Variants in USP31 observed in about 807,000 individuals in gnomAD.
USP31 encodes ubiquitin specific peptidase 31, also known as ubiquitin carboxyl-terminal hydrolase 31.
USP31 carries 44 observed loss-of-function variants against 119.4 expected under a neutral mutation model. That is an observed-to-expected ratio of 0.37 (90% CI 0.29 to 0.47). USP31 has a LOEUF of 0.47. Among genes scored for constraint, USP31 ranks in the 20% least tolerant of loss-of-function variants. USP31 has a pLI of 0.99. For synonymous variants in USP31, 749 were observed against 705.6 expected (o/e 1.06, Z -0.97); for missense variants, 1,643 against 1,730.2 (o/e 0.95, Z 0.89).
rs749740817 is a variant in USP31 at position 23,106,236 on chromosome 16, C to A, written c.930G>T (p.Leu310Phe). Residue 310 changes from leucine (L) to phenylalanine (F), a missense_variant, in exon 4 of 16, where the codon TTG becomes TTT. By Grantham distance (22) the Leu-to-Phe change is conservative. This residue lies in a region of USP31 where 144 missense variants were observed against 218.0 expected (regional missense o/e 0.66). Transcript: ENST00000219689. ...NTFDPFLCIS[L>F]PIPLPHTRPL... ...ACCTTGTGTGGGGCAGAGGAATTGGCAAAGAAATGCAAAGGAAAGGATCAA... is the reference window on the plus strand; with the variant it reads ...ACCTTGTGTGGGGCAGAGGAATTGGAAAAGAAATGCAAAGGAAAGGATCAA... 6.2e-7 allele frequency: 1 copy of A among 1,614,054 alleles called. No individual in the cohort carries two copies. The highest frequency in any genetic ancestry group is 2.2e-5 in the East Asian group (1 of 44,860).
At chr16:23,148,112 A>G (rs1285783424) in intron 1 of USP31, among the ~76,000 whole-genome samples, 4 of 152,214 alleles carry the variant, frequency 2.6e-5, no homozygotes, top group Admixed American at 1.3e-4. Flanking sequence ...GAACCCTATA[A>G]AAGTGCCAAT....
intron 1 of USP31, 46 bp downstream of exon 1, chr16:23,148,592 C>T: frequency 7.1e-7 from 1 of 1,415,048 alleles, no homozygotes. Context: ...GGCAGGTGCC[C>T]CAGGGGCTCG....
chr16:23,083,936 C>T (rs1336740404), intron 11 of USP31, among the ~76,000 whole-genome samples: 1 of 152,162 alleles, frequency 6.6e-6, no homozygotes, highest in African/African-American at 2.4e-5. Flanking sequence ...TAACTTCAGT[C>T]ACCATCAGAG....
At position 23,085,643 on chromosome 16, in the gene USP31, G is replaced by A; in HGVS notation, c.1642C>T (p.Pro548Ser). 6.2e-7 allele frequency: 1 copy of A among 1,613,872 alleles called. No individual in the cohort carries two copies. Among genetic ancestry groups the A allele is most frequent in the Non-Finnish European group, 8.5e-7 (1 of 1,179,918 alleles). Residue 548 changes from proline to serine, a missense_variant, in exon 10 of 16, where the codon CCA (proline) becomes TCA (serine). Coordinates refer to ENST00000219689, the MANE Select transcript of USP31 (RefSeq NM_020718.4). ...AATTTCACATGAGCAGTGCCACCTG[G>A]TCCACAAGATTTTAATGCCCTATAG... Reference protein sequence around the residue: ...IVERALKSCGPGGTAHVKLVV... With the variant: ...IVERALKSCGSGGTAHVKLVV...
intron 8 of USP31, 40 bp from the exon 9 acceptor site, chr16:23,087,226 T>C: frequency 1.3e-6 from 2 of 1,581,910 alleles, no homozygotes; most frequent in Non-Finnish European, 1.7e-6. Context: ...CAAATTTTTC[T>C]TCAAGGGCAT....
Position 23,149,203 on chromosome 16 carries a change from A to C in USP31, c.68T>G (p.Phe23Cys). 8.7e-7 allele frequency: 1 copy of C among 1,153,892 alleles called. No individual in the cohort carries two copies. The highest frequency in any genetic ancestry group is 1.7e-5 in the African/African-American group (1 of 60,350). The allele number at this position is 1,153,892 out of a possible 1,614,324, so 71.5% of individuals were successfully genotyped here. ...GCCGCTCCGAAACAGCCGCTTGCTGAAGGAGCGCTTCTCCTTCCCGCTCGC... is the reference window on the plus strand; with the variant it reads ...GCCGCTCCGAAACAGCCGCTTGCTGCAGGAGCGCTTCTCCTTCCCGCTCGC... Reference protein sequence around the residue: ...AAASGKEKRSFSKRLFRSGRA... With the variant: ...AAASGKEKRSCSKRLFRSGRA... Residue 23 changes from phenylalanine (F) to cysteine (C), a missense_variant, in exon 1 of 16, where the codon TTC becomes TGC. Coordinates refer to ENST00000219689, the MANE Select transcript of USP31 (RefSeq NM_020718.4).
At chr16:23,126,013 G>C (rs963606117) in intron 1 of USP31, among the ~76,000 whole-genome samples, 5 of 152,052 alleles carry the variant, frequency 3.3e-5, no homozygotes, top group African/African-American at 1.2e-4. Context: ...AGTTACTATG[G>C]GGGTTAAAGG....
In USP31 at chr16:23,148,809, C is replaced by A; in HGVS notation, c.462G>T (p.Glu154Asp). 6.5e-7 allele frequency: 1 copy of A among 1,538,386 alleles called. No individual in the cohort carries two copies. Among genetic ancestry groups the A allele is most frequent in the Admixed American group, 2.1e-5 (1 of 47,872 alleles). ...CCCGGTACTGGCCCAGCGCCAGGTA[C>A]TCGGCGAAGAGCTCGGTGTTGCTGA... is the stretch of plus-strand genomic sequence containing the variant. ...QCLSNTELFA[E>D]YLALGQYRAG... The change falls in exon 1 of 16, where the codon GAG becomes GAT. Residue 154 changes from glutamate to aspartate, a missense_variant. This residue lies in a region of USP31 where 302 missense variants were observed against 262.6 expected (regional missense o/e 1.15). Coordinates refer to ENST00000219689, the MANE Select transcript of USP31 (RefSeq NM_020718.4).
chr16:23,140,654 G>A lies in USP31; in HGVS notation c.633+7984C>T, dbSNP rs546369815. Among the ~76,000 whole-genome samples, 36 of 152,080 alleles carry A rather than the reference G, an allele frequency of 2.4e-4. No individual in the cohort carries two copies. The South Asian group carries it at 6.7e-3, about 28-fold the overall frequency. On this transcript the variant is annotated intron_variant, in intron 1 of 15. Coordinates refer to ENST00000219689, the MANE Select transcript of USP31 (RefSeq NM_020718.4). ...GCTTTAAATACCATCCAGTGGTGAC[G>A]CCTCCAAAATGTTTATCTTATCTTC...
intron 1 of USP31, among the ~76,000 whole-genome samples, chr16:23,119,686 T>C (rs1228993836): frequency 2.6e-5 from 4 of 152,200 alleles, no homozygotes; most frequent in Non-Finnish European, 5.9e-5. Context: ...ATGACTGAAA[T>C]ATGGCCCAGA....
At chr16:23,131,242 C>A (rs1903021974) in intron 1 of USP31, among the ~76,000 whole-genome samples, 1 of 152,136 alleles carries the variant, frequency 6.6e-6, no homozygotes, top group African/African-American at 2.4e-5. Context: ...TTCAAGGCTG[C>A]AGTGAGCTAT....
At chr16:23,076,712 C>T (rs991760214) in intron 13 of USP31, among the ~76,000 whole-genome samples, 3 of 152,216 alleles carry the variant, frequency 2.0e-5, no homozygotes, top group Non-Finnish European at 2.9e-5. Context: ...TTCTTCCCAA[C>T]AATTTCTTCC....
intron 1 of USP31, among the ~76,000 whole-genome samples, chr16:23,144,180 A>C (rs1474258848): frequency 2.6e-5 from 4 of 152,204 alleles, no homozygotes; most frequent in African/African-American, 9.6e-5. Context: ...TGAAAAACTT[A>C]CAAAGAAAAG....
At chr16:23,128,294 A>C (rs1902927646) in intron 1 of USP31, among the ~76,000 whole-genome samples, 1 of 152,188 alleles carries the variant, frequency 6.6e-6, no homozygotes, top group Admixed American at 6.5e-5. Context: ...GGAACATCTT[A>C]AGATCCTTGC....
chr16:23,134,533 G>A (rs1483139517), intron 1 of USP31, among the ~76,000 whole-genome samples: 1 of 152,066 alleles, frequency 6.6e-6, no homozygotes, highest in East Asian at 1.9e-4. Flanking sequence ...GGTGCAGCCA[G>A]GATTTGAACA....
intron 1 of USP31, among the ~76,000 whole-genome samples, chr16:23,143,272 C>G (rs1256852464): frequency 2.6e-5 from 4 of 152,158 alleles, no homozygotes; most frequent in Non-Finnish European, 1.5e-5. Context: ...AATTTAAAAA[C>G]TGCTGCCATA....
intron 5 of USP31, 100 bp from the exon 6 acceptor site, chr16:23,102,563 G>C: frequency 7.3e-7 from 1 of 1,370,532 alleles, no homozygotes; most frequent in Non-Finnish European, 9.7e-7. Context: ...GACTGGCAGT[G>C]GTCTGAGAGA....
intron 6 of USP31, among the ~76,000 whole-genome samples, chr16:23,100,338 A>G (rs1406560630): frequency 2.0e-5 from 3 of 152,272 alleles, no homozygotes; most frequent in Non-Finnish European, 4.4e-5. Context: ...TTGGCCACAA[A>G]AAGGAATTAA....
intron 1 of USP31, among the ~76,000 whole-genome samples, chr16:23,126,786 A>T (rs757383492): frequency 2.2e-4 from 34 of 152,232 alleles, no homozygotes; most frequent in Non-Finnish European, 4.3e-4. Context: ...GCATGTGATA[A>T]GCACTCATAC....
Sources: allele counts gnomAD v4.1 joint callset (sites outside exome capture counted in the v4.1 genomes callset), GRCh38; gene constraint gnomAD v4.1.1; regional missense constraint gnomAD v4.1.1; transcripts MANE v1.5; gene names NCBI Gene and HGNC (gene_info 2026-07-23, HGNC 2026-07-21).